UNC13A: variants seen among roughly 807,000 people sequenced by gnomAD.
The protein encoded by UNC13A is protein unc-13 homolog A.
Under a neutral mutation model 219.7 loss-of-function variants are expected in UNC13A, and 61 were observed. The ratio of observed to expected loss-of-function variants is 0.28; its 90% confidence interval spans 0.23 to 0.34. UNC13A has a LOEUF of 0.34. UNC13A is among the 10% of genes least tolerant of loss of function. The probability of loss-of-function intolerance (pLI) is 1.00; values close to 1 mark genes in which losing one functional copy is unlikely to be tolerated. For missense variants in UNC13A, 1,476 were observed against 2,270.3 expected (o/e 0.65, Z 7.11); for synonymous variants, 920 against 884.6 (o/e 1.04, Z -0.71).
At chr19:17,678,624 C>G (rs1187558747) in intron 1 of UNC13A, among the ~76,000 whole-genome samples, 4 of 151,958 alleles carry the variant, frequency 2.6e-5, no homozygotes, top group African/African-American at 4.8e-5. Flanking sequence ...CCCCACCCAG[C>G]CCCCAGGGAG....
In UNC13A at chr19:17,649,295, G is replaced by T; in HGVS notation, c.1524+44C>A. The T allele has an allele frequency of 6.4e-7, 1 of 1,556,378 alleles. No individual in the cohort carries two copies. The highest frequency in any genetic ancestry group is 8.6e-7 in the Non-Finnish European group (1 of 1,157,530). On this transcript the variant is annotated intron_variant, in intron 14 of 43. Coordinates refer to ENST00000519716, the MANE Select transcript of UNC13A (RefSeq NM_001080421.3). The surrounding 1 kb of genome is among the most constrained non-coding windows in gnomAD (Gnocchi z 4.4). The stretch of plus-strand genomic sequence containing the variant: ...CCTGTTAGAAGATCCCAGTGGGGGA[G>T]TTTGGGGAGAAGATCCCAAGAGGCC...
intron 34 of UNC13A, 86 bp downstream of exon 34, chr19:17,626,547 G>T: frequency 7.2e-7 from 1 of 1,388,622 alleles, no homozygotes; most frequent in Non-Finnish European, 9.4e-7. Flanking sequence ...AACATTCCCT[G>T]CACACCCTCT....
intron 12 of UNC13A, among the ~76,000 whole-genome samples, chr19:17,651,632 A>C (rs1212129340): frequency 6.6e-6 from 1 of 152,150 alleles, no homozygotes; most frequent in Non-Finnish European, 1.5e-5. Context: ...GAGCCAACTG[A>C]GGCTTAGAGA....
In UNC13A at chr19:17,611,815, A is replaced by G; in HGVS notation, c.4599T>C (p.His1533=). ...VEDPVGEVSV[H]VELFTHPGTG... ...TTCCTGGATGAGTGAACAGCTCAAC[A>G]TGGACAGAGACTTCACCCACAGGGT... Residue 1533 remains histidine, a synonymous_variant, in exon 42 of 44, where the codon CAT becomes CAC. Transcript: ENST00000519716. 1.9e-6 allele frequency: 3 copies of G among 1,614,154 alleles called. No homozygotes were observed. The highest frequency in any genetic ancestry group is 2.5e-6 in the Non-Finnish European group (3 of 1,180,000).
chr19:17,688,088 C>A, intron 1 of UNC13A, 90 bp downstream of exon 1: 1 of 1,465,626 alleles, frequency 6.8e-7, no homozygotes, highest in Non-Finnish European at 9.1e-7. Flanking sequence ...CGGGTCACCC[C>A]CCAGGAACCC....
At chr19:17,673,208 T>G (rs543626989) in intron 3 of UNC13A, among the ~76,000 whole-genome samples, 14 of 149,732 alleles carry the variant, frequency 9.4e-5, no homozygotes, top group Non-Finnish European at 1.9e-4. Flanking sequence ...AAATACAAAA[T>G]TAGCCGGGCG....
At chr19:17,647,181 AG>A in intron 17 of UNC13A, 83 bp downstream of exon 17, 1 of 1,296,320 alleles carries the variant, frequency 7.7e-7, no homozygotes, top group Non-Finnish European at 1.1e-6. Context: ...TGCAAAGGAG[AG>A]GGACCAGGCC....
chr19:17,687,312 C>G (rs1292070054), intron 1 of UNC13A, among the ~76,000 whole-genome samples: 1 of 152,150 alleles, frequency 6.6e-6, no homozygotes. Flanking sequence ...CCCCCCCCAC[C>G]TCACGTCTCC....
intron 36 of UNC13A, chr19:17,622,681 C>CCAT (rs2076741089): frequency 1.3e-5 from 2 of 154,174 alleles, no homozygotes; most frequent in Admixed American, 1.3e-4. Context: ...ACCACCACCA[C>CCAT]CATTAGCTCT....
At chr19:17,644,157 A>C (rs1254792758) in intron 19 of UNC13A, among the ~76,000 whole-genome samples, 1 of 151,834 alleles carries the variant, frequency 6.6e-6, no homozygotes, top group African/African-American at 2.4e-5. Flanking sequence ...TTCCCAAACA[A>C]TACCTCCCTC....
chr19:17,658,101 A>T lies in UNC13A; in HGVS notation c.728T>A (p.Met243Lys), dbSNP rs2079491106. 6.2e-7 allele frequency: 1 copy of T among 1,613,690 alleles called. No homozygotes were observed. The highest frequency in any genetic ancestry group is 8.5e-7 in the Non-Finnish European group (1 of 1,179,854). Residue 243 changes from methionine (M) to lysine (K), a missense_variant, in exon 9 of 44, where the codon ATG (methionine) becomes AAG (lysine). By Grantham distance (95) the Met-to-Lys change is moderately conservative (BLOSUM62 -1). This residue lies in a region of UNC13A where 351 missense variants were observed against 342.6 expected (regional missense o/e 1.02). Coordinates refer to ENST00000519716, the MANE Select transcript of UNC13A (RefSeq NM_001080421.3). ...CTCAGAGAACTCCTCGTAACTGTGC[A>T]TGGAGTCACTGTAGGACTCCCGGGA... ...LGSRESYSDS[M>K]HSYEEFSEPQ...
intron 22 of UNC13A, among the ~76,000 whole-genome samples, chr19:17,640,227 C>A (rs571163973): frequency 6.6e-6 from 1 of 152,098 alleles, no homozygotes; most frequent in Non-Finnish European, 1.5e-5. Context: ...TTAGAAGAGA[C>A]GGGTTTTCAC....
intron 36 of UNC13A, chr19:17,622,651 TCAC>T (rs374378102): frequency 0.013 from 1,915 of 153,160 alleles, 44 homozygotes; most frequent in African/African-American, 0.043. Flanking sequence ...TGTCTGCATA[TCAC>T]CACCACCACC....
intron 41 of UNC13A, among the ~76,000 whole-genome samples, chr19:17,616,763 A>G (rs1430526038): frequency 1.3e-5 from 2 of 152,092 alleles, no homozygotes; most frequent in Non-Finnish European, 2.9e-5. Flanking sequence ...GGCTGGCTGG[A>G]TCGGGGGAGA....
intron 24 of UNC13A, 93 bp from the exon 25 acceptor site, chr19:17,639,310 G>C: frequency 6.3e-7 from 1 of 1,587,800 alleles, no homozygotes; most frequent in Non-Finnish European, 8.6e-7. Context: ...AGGAAATGAA[G>C]TGGTATGAAA....
Position 17,674,178 on chromosome 19 carries a change from C to T in UNC13A, c.152+479G>A, listed in dbSNP as rs965565136. Among the ~76,000 whole-genome samples the T allele has an allele frequency of 2.1e-5, 3 of 146,098 alleles. No individual in the cohort carries two copies. The highest frequency in any genetic ancestry group is 4.6e-5 in the Non-Finnish European group (3 of 65,790). On this transcript the variant is annotated intron_variant, in intron 3 of 43. Transcript: ENST00000519716. The surrounding 1 kb of genome is among the most constrained non-coding windows in gnomAD (Gnocchi z 5.0). ...GGGGACAGGAGAGCAAGTGCAAGGG[C>T]CCTGGGGCAAGAACAAGCTGGGAAG...
intron 7 of UNC13A, among the ~76,000 whole-genome samples, chr19:17,664,314 A>C (rs1006386856): frequency 1.3e-5 from 2 of 152,152 alleles, no homozygotes; most frequent in South Asian, 4.1e-4. Context: ...TACTCATTTT[A>C]TGGGTGAAAC....
At chr19:17,625,628 T>C (rs1236063281) in intron 34 of UNC13A, among the ~76,000 whole-genome samples, 1 of 152,058 alleles carries the variant, frequency 6.6e-6, no homozygotes, top group African/African-American at 2.4e-5. Context: ...TGTCCATTCA[T>C]CCATCTGTCC....
At position 17,663,586 on chromosome 19, in the gene UNC13A, G is replaced by C. The variant is rs776117678; in HGVS notation, c.524-19C>G. On this transcript the variant is annotated intron_variant, in intron 7 of 43. Coordinates refer to ENST00000519716, the MANE Select transcript of UNC13A (RefSeq NM_001080421.3). ...CAGTTGCCTACAAAGAGAAGGGGCA[G>C]AAATAATAAAAGGGAGCAGACAGAG... The C allele has an allele frequency of 1.5e-5, 24 of 1,604,778 alleles. No individual in the cohort carries two copies. Among genetic ancestry groups the C allele is most frequent in the Non-Finnish European group, 2.0e-5 (23 of 1,175,956 alleles).
Sources: gnomAD v4.1 joint callset for allele counts (sites outside exome capture counted in the v4.1 genomes callset) on GRCh38, gnomAD v4.1.1 for gene constraint, gnomAD v4.1.1 regional missense constraint, Gnocchi (gnomAD v3.1) non-coding constraint, MANE v1.5 for transcripts, NCBI Gene and HGNC (gene_info 2026-07-23, HGNC 2026-07-21) for gene names.